SEPTIN7: variants seen among roughly 807,000 people sequenced by gnomAD.
SEPTIN7 encodes the protein septin 7.
A neutral mutation model predicts 63.3 loss-of-function variants in SEPTIN7; 10 were observed. The observed-to-expected ratio is 0.16, with a 90% CI of 0.10 to 0.27. The LOEUF (loss-of-function observed/expected upper bound fraction) is 0.27, where lower values mean the gene tolerates loss of function less well. Among genes scored for constraint, SEPTIN7 ranks in the 10% least tolerant of loss-of-function variants. The pLI is 1.00. For synonymous variants in SEPTIN7, 131 were observed against 165.3 expected (o/e 0.79, Z 1.59); for missense variants, 310 against 521.0 (o/e 0.59, Z 3.94).
At chr7:35,844,777 A>G (rs1457720109) in intron 3 of SEPTIN7, among the ~76,000 whole-genome samples, 2 of 152,016 alleles carry the variant, frequency 1.3e-5, no homozygotes, top group Non-Finnish European at 2.9e-5. Flanking sequence ...TAATTTTTGT[A>G]TTTTTAGTAA....
intron 7 of SEPTIN7, among the ~76,000 whole-genome samples, chr7:35,880,208 CTTTTTTTTTCTTTTCTTTTTTT>C (rs1236157834): frequency 2.1e-5 from 2 of 96,428 alleles, no homozygotes; most frequent in South Asian, 3.3e-4. Flanking sequence ...CTTTTCTTTT[CTTTTTTTTTCTTTTCTTTTTTT>C]TTTTTTTTTT....
At chr7:35,812,636 G>T (rs1224707732) in intron 1 of SEPTIN7, among the ~76,000 whole-genome samples, 1 of 152,090 alleles carries the variant, frequency 6.6e-6, no homozygotes, top group African/African-American at 2.4e-5. Flanking sequence ...TGGTTGGTGG[G>T]TAGTGGATTT....
chr7:35,852,517 T>C (rs1785010895), intron 3 of SEPTIN7, among the ~76,000 whole-genome samples: 1 of 152,110 alleles, frequency 6.6e-6, no homozygotes, highest in African/African-American at 2.4e-5. Flanking sequence ...TTAGGAAAAA[T>C]TTCCAGGGAA....
intron 1 of SEPTIN7, among the ~76,000 whole-genome samples, chr7:35,828,918 G>A (rs79784214): frequency 5.0e-4 from 76 of 152,196 alleles, no homozygotes; most frequent in African/African-American, 1.8e-3. Flanking sequence ...AACCGCTCTG[G>A]ATGGCTGAGA....
At chr7:35,848,460 C>T (rs1161146973) in intron 3 of SEPTIN7, among the ~76,000 whole-genome samples, 2 of 151,760 alleles carry the variant, frequency 1.3e-5, no homozygotes, top group African/African-American at 4.8e-5. Context: ...TTAGTAGAGA[C>T]GGGGTTTCAG....
At chr7:35,901,138 A>C (rs532029376) in intron 12 of SEPTIN7, 3 of 152,404 alleles carry the variant, frequency 2.0e-5, no homozygotes, top group South Asian at 2.1e-4. Flanking sequence ...AGCACAGTAC[A>C]TCAGCCACAG....
At chr7:35,856,133 C>T (rs368371056) in intron 3 of SEPTIN7, among the ~76,000 whole-genome samples, 4 of 152,256 alleles carry the variant, frequency 2.6e-5, no homozygotes, top group South Asian at 2.1e-4. Context: ...CTAATTTAGT[C>T]CTCATAGTTC....
chr7:35,865,937 A>G (rs1227988801), intron 4 of SEPTIN7, among the ~76,000 whole-genome samples: 1 of 152,216 alleles, frequency 6.6e-6, no homozygotes, highest in African/African-American at 2.4e-5. Context: ...AACACTTCAA[A>G]AATATCCTCT....
chr7:35,830,586 G>C lies in SEPTIN7; in HGVS notation c.62-906G>C, dbSNP rs117788493. ...TGGGACTTCGGCTTTTACTTTTGAG[G>C]AAGTTCGGAAGTCATTGGATGATTT... On this transcript the variant is annotated intron_variant, in intron 1 of 13. Transcript: ENST00000350320. Among the ~76,000 whole-genome samples, 377 of 152,262 alleles carry C rather than the reference G, an allele frequency of 2.5e-3. 2 individuals are homozygous for C. Among genetic ancestry groups the C allele is most frequent in the Non-Finnish European group, 3.8e-3 (256 of 68,034 alleles).
intron 3 of SEPTIN7, among the ~76,000 whole-genome samples, chr7:35,858,070 T>G (rs987131840): frequency 1.3e-5 from 2 of 151,868 alleles, no homozygotes; most frequent in East Asian, 3.9e-4. Flanking sequence ...GCCTCCTGAG[T>G]AGATGGGATT....
chr7:35,860,120 T>C (rs1457091834), intron 3 of SEPTIN7, among the ~76,000 whole-genome samples: 1 of 152,010 alleles, frequency 6.6e-6, no homozygotes, highest in Non-Finnish European at 1.5e-5. Context: ...TTCTCTTTTT[T>C]TTTTTGGTAT....
rs186588151 is a variant in SEPTIN7, at chr7:35,880,165, T to C, written c.630+225T>C. Among the ~76,000 whole-genome samples the C allele has an allele frequency of 3.3e-3, 495 of 151,308 alleles. 2 individuals are homozygous for C. Among genetic ancestry groups the C allele is most frequent in the Admixed American group, 6.9e-3 (105 of 15,226 alleles). On this transcript the variant is annotated intron_variant, in intron 7 of 13. Transcript: ENST00000350320. ...CCCCCACACAGACAATTTCTCCCCA[T>C]ACTCTTTAGAATTATTTTCTTTTTT...
rs570355838 is a variant in SEPTIN7, at chr7:35,863,104, ATTGTGATTAATTCT to A, written c.170-443_170-430del. On this transcript the variant is annotated intron_variant, in intron 3 of 13. Coordinates refer to ENST00000350320, the MANE Select transcript of SEPTIN7 (RefSeq NM_001788.6). ...TTTAGAATTTTATACGGAGATGTTCATTGTGATTAATTCTTTGTATTAGCAGATTTTTGCTTTTT... is the reference window on the plus strand; with the variant it reads ...TTTAGAATTTTATACGGAGATGTTCATTGTATTAGCAGATTTTTGCTTTTT... Among the ~76,000 whole-genome samples the A allele has an allele frequency of 5.6e-3, 853 of 152,266 alleles. 5 individuals are homozygous for A. The highest frequency in any genetic ancestry group is 9.6e-3 in the Non-Finnish European group (652 of 67,974).
chr7:35,901,633 TTA>T (rs1469883839), intron 12 of SEPTIN7: 4 of 152,156 alleles, frequency 2.6e-5, no homozygotes, highest in African/African-American at 9.7e-5. Context: ...AGATAATTAC[TTA>T]TATGTAACAA....
At chr7:35,915,118 C>T in the SEPTIN7 span, among the ~76,000 whole-genome samples, 1 of 151,632 alleles carries the variant, frequency 6.6e-6, no homozygotes, top group African/African-American at 2.4e-5. Context: ...TGCATGTATA[C>T]ATGTGTATAT....
At chr7:35,897,527 A>T (rs1308012166) in intron 11 of SEPTIN7, among the ~76,000 whole-genome samples, 1 of 152,084 alleles carries the variant, frequency 6.6e-6, no homozygotes, top group East Asian at 1.9e-4. Context: ...TTTTAATTTA[A>T]CTATGCTTAT....
intron 1 of SEPTIN7, among the ~76,000 whole-genome samples, chr7:35,801,551 C>T (rs1414468293): frequency 1.3e-5 from 2 of 151,470 alleles, no homozygotes; most frequent in East Asian, 2.0e-4. Flanking sequence ...GCCGCGGCCT[C>T]CGCGGCCGGA....
intron 3 of SEPTIN7, among the ~76,000 whole-genome samples, chr7:35,844,527 T>G (rs1257129175): frequency 6.6e-6 from 1 of 152,242 alleles, no homozygotes; most frequent in Non-Finnish European, 1.5e-5. Flanking sequence ...AACTTCAATT[T>G]CTGTCACAGA....
At chr7:35,886,105 T>C (rs1406612289) in intron 10 of SEPTIN7, among the ~76,000 whole-genome samples, 1 of 152,212 alleles carries the variant, frequency 6.6e-6, no homozygotes, top group Non-Finnish European at 1.5e-5. Context: ...ATTAGTCTCT[T>C]TATCATTATA....
Sources: gnomAD v4.1 joint callset for allele counts (sites outside exome capture counted in the v4.1 genomes callset) on GRCh38, gnomAD v4.1.1 for gene constraint, MANE v1.5 for transcripts, NCBI Gene and HGNC (gene_info 2026-07-23, HGNC 2026-07-21) for gene names.